The following CXADR variants were observed in gnomAD, a reference collection of about 807,000 sequenced individuals.
CXADR encodes coxsackievirus and adenovirus receptor.
A neutral mutation model predicts 40.3 loss-of-function variants in CXADR; 20 were observed. That is an observed-to-expected ratio of 0.50 (90% CI 0.35 to 0.72). The LOEUF is 0.72. Among genes scored for constraint, CXADR ranks in the 30% least tolerant of loss-of-function variants. CXADR has a pLI of 0.01. For synonymous variants in CXADR, 150 were observed against 161.3 expected (o/e 0.93, Z 0.53); for missense variants, 332 against 449.1 (o/e 0.74, Z 2.36).
chr21:17,632,064 G>A, the CXADR span, among the ~76,000 whole-genome samples: 1 of 152,128 alleles, frequency 6.6e-6, no homozygotes, highest in South Asian at 2.1e-4. Flanking sequence ...ACCAGCTTCG[G>A]CCTGCCAAAG....
intron 7 of CXADR, among the ~76,000 whole-genome samples, chr21:17,589,797 GTA>G (rs1472366854): frequency 6.6e-6 from 1 of 151,960 alleles, no homozygotes; most frequent in African/African-American, 2.4e-5. Flanking sequence ...CTAGAAGTAC[GTA>G]CAATTGCTTG....
chr21:17,527,774 T>C (rs1283399352), intron 1 of CXADR, among the ~76,000 whole-genome samples: 1 of 152,046 alleles, frequency 6.6e-6, no homozygotes, highest in African/African-American at 2.4e-5. Flanking sequence ...TAACTTATAG[T>C]TGCTGCTCCT....
At chr21:17,635,285 T>C in the CXADR span, among the ~76,000 whole-genome samples, 1 of 152,234 alleles carries the variant, frequency 6.6e-6, no homozygotes, top group Non-Finnish European at 1.5e-5. Context: ...TTCTAGAGCT[T>C]CTAAAAATTA....
At chr21:17,625,358 A>G in the CXADR span, among the ~76,000 whole-genome samples, 6 of 152,324 alleles carry the variant, frequency 3.9e-5, no homozygotes, top group East Asian at 1.2e-3. Flanking sequence ...TTCAAAATAC[A>G]TAGAAAAGGA....
At chr21:17,609,499 G>T in the CXADR span, among the ~76,000 whole-genome samples, 6 of 152,130 alleles carry the variant, frequency 3.9e-5, no homozygotes, top group African/African-American at 1.4e-4. Flanking sequence ...ATATTTAGCT[G>T]CAATAATCTA....
the CXADR span, among the ~76,000 whole-genome samples, chr21:17,630,139 C>A: frequency 6.6e-6 from 1 of 151,840 alleles, no homozygotes; most frequent in African/African-American, 2.4e-5. Context: ...AAAAGACAGT[C>A]GAATGAAAGT....
At chr21:17,571,385 A>C (rs1282155485), downstream of CXADR, among the ~76,000 whole-genome samples, 2 of 152,220 alleles carry the variant, frequency 1.3e-5, no homozygotes, top group Non-Finnish European at 2.9e-5. Context: ...CAAGGAATCG[A>C]GATTACAGTA....
intron 1 of CXADR, among the ~76,000 whole-genome samples, chr21:17,532,226 C>T (rs2060687740): frequency 6.6e-6 from 1 of 152,052 alleles, no homozygotes; most frequent in African/African-American, 2.4e-5. Flanking sequence ...GTGAACAGGT[C>T]CTTATTGACA....
the CXADR span, among the ~76,000 whole-genome samples, chr21:17,625,621 A>T: frequency 6.6e-6 from 1 of 152,202 alleles, no homozygotes; most frequent in Non-Finnish European, 1.5e-5. Flanking sequence ...ACTTTTTATT[A>T]ATCTGTGCTA....
Position 17,558,864 on chromosome 21 carries a change from A to T in CXADR, c.416-112A>T, listed in dbSNP as rs569085302. The T allele has an allele frequency of 2.8e-5, 31 of 1,090,810 alleles. No homozygotes were observed. In the South Asian group the frequency reaches 5.6e-4, roughly 20 times the overall value. The allele number at this position is 1,090,810 out of a possible 1,614,324, so 67.6% of individuals were successfully genotyped here. On this transcript the variant is annotated intron_variant, in intron 3 of 6. Transcript: ENST00000284878. ...TACTGTGGTCTTTCATTCTTTTGTG[A>T]ATTCTGAACCCAGAACCAACTGATA...
chr21:17,532,438 T>C (rs1413393403), intron 1 of CXADR, among the ~76,000 whole-genome samples: 1 of 152,214 alleles, frequency 6.6e-6, no homozygotes, highest in Non-Finnish European at 1.5e-5. Context: ...AACAAATTTC[T>C]CAAACTAGTA....
At chr21:17,543,081 AAAAC>A (rs1265546225) in intron 1 of CXADR, 1 of 345,534 alleles carries the variant, frequency 2.9e-6, no homozygotes, top group Admixed American at 3.7e-5. Context: ...AGAAAAACAA[AAAAC>A]AAAAAAATCT....
At chr21:17,563,307 G>A (rs1207904203) in intron 6 of CXADR, among the ~76,000 whole-genome samples, 1 of 152,044 alleles carries the variant, frequency 6.6e-6, no homozygotes, top group Admixed American at 6.6e-5. Context: ...AAAAAGTAGA[G>A]CCATGATAAC....
chr21:17,582,019 CA>C (rs35382436), intron 7 of CXADR, among the ~76,000 whole-genome samples: 152,004 of 152,004 alleles, frequency 1, 76,002 homozygotes, highest in Non-Finnish European at 1. Context: ...CGGCTCACTG[CA>C]AACCTCTGCC....
intron 4 of CXADR, among the ~76,000 whole-genome samples, chr21:17,559,547 G>T (rs992988379): frequency 6.6e-6 from 1 of 151,516 alleles, no homozygotes; most frequent in East Asian, 1.9e-4. Flanking sequence ...AGAATAATCA[G>T]GATTTCCATA....
chr21:17,574,505 G>C (rs1355304605), downstream of CXADR, among the ~76,000 whole-genome samples: 2 of 152,164 alleles, frequency 1.3e-5, no homozygotes, highest in African/African-American at 2.4e-5. Context: ...AGAAGGATTA[G>C]CAAATTTGAA....
rs956085108 is a variant in CXADR, at chr21:17,567,292, A to T, written c.*1600A>T. On this transcript the variant is annotated 3_prime_UTR_variant, in exon 7 of 7. Transcript: ENST00000284878. ...TTGTGTGTACACTTTTTAATGGTAA[A>T]CTTAAGCTGAATGTGTAATGGATTT... 2 of 985,370 alleles carry T rather than the reference A, an allele frequency of 2.0e-6. No individual in the cohort carries two copies. The highest frequency in any genetic ancestry group is 1.2e-6 in the Non-Finnish European group (1 of 829,872). The allele number at this position is 985,370 out of a possible 1,614,324, so 61.0% of individuals were successfully genotyped here.
intron 1 of CXADR, among the ~76,000 whole-genome samples, chr21:17,519,993 G>A (rs180853030): frequency 3.8e-4 from 57 of 150,172 alleles, no homozygotes; most frequent in African/African-American, 1.2e-3. Flanking sequence ...ACACACACAC[G>A]CACGCACATG....
chr21:17,608,940 C>G, the CXADR span: 1 of 1,590,676 alleles, frequency 6.3e-7, no homozygotes, highest in Non-Finnish European at 8.5e-7. Context: ...AGGGGTTGAT[C>G]AGCCTCTGCT....
Sources: allele counts gnomAD v4.1 joint callset (sites outside exome capture counted in the v4.1 genomes callset), GRCh38; gene constraint gnomAD v4.1.1; transcripts MANE v1.5; gene names NCBI Gene and HGNC (gene_info 2026-07-23, HGNC 2026-07-21).